The following SHPRH variants were observed in gnomAD, a reference collection of about 807,000 sequenced individuals.
SHPRH encodes SNF2 histone linker PHD RING helicase, also known as E3 ubiquitin-protein ligase SHPRH.
A neutral mutation model predicts 202.5 loss-of-function variants in SHPRH; 106 were observed. The observed-to-expected ratio is 0.52, with a 90% CI of 0.45 to 0.62. The LOEUF is 0.62. SHPRH is among the 20% of genes least tolerant of loss of function. SHPRH has a pLI of 0.00. For synonymous variants in SHPRH, 729 were observed against 686.0 expected, an observed-to-expected ratio of 1.06 and a Z score of -0.98; for missense variants, 1,710 against 2,020.0, an observed-to-expected ratio of 0.85 and a Z score of 2.94.
At chr6:145,927,539 TA>T (rs1784990079) in intron 14 of SHPRH, among the ~76,000 whole-genome samples, 1 of 151,804 alleles carries the variant, frequency 6.6e-6, no homozygotes, top group South Asian at 2.1e-4. Context: ...AATATGTTTA[TA>T]ATCAAACGTT....
At chr6:145,924,939 A>T (rs1459210849) in intron 16 of SHPRH, 93 bp from the exon 17 acceptor site, 1 of 933,584 alleles carries the variant, frequency 1.1e-6, no homozygotes, top group Non-Finnish European at 1.6e-6. Flanking sequence ...TTATACATTT[A>T]AAGCTACTTA....
intron 11 of SHPRH, among the ~76,000 whole-genome samples, chr6:145,939,766 T>C (rs1372266883): frequency 6.6e-6 from 1 of 152,166 alleles, no homozygotes; most frequent in East Asian, 1.9e-4. Context: ...TTTAAATATA[T>C]ACTAGAAAAT....
chr6:145,896,869 T>C (rs759986285), intron 25 of SHPRH, among the ~76,000 whole-genome samples: 19 of 151,884 alleles, frequency 1.3e-4, no homozygotes, highest in African/African-American at 4.6e-4. Flanking sequence ...AAATACAACA[T>C]AACAAAAGGT....
In SHPRH at chr6:145,886,536, G is replaced by A; in HGVS notation, c.*155C>T. On this transcript the variant is annotated 3_prime_UTR_variant, in exon 30 of 30. Coordinates refer to ENST00000275233, the MANE Select transcript of SHPRH (RefSeq NM_001042683.3). ...CAGTATATTGAAAAGGACTCAATAA[G>A]TACTAAGCCACTGTATAACCAGAAC... 12 of 1,346,752 alleles carry A rather than the reference G, an allele frequency of 8.9e-6. No individual in the cohort carries two copies. Among genetic ancestry groups the A allele is most frequent in the Non-Finnish European group, 1.2e-5 (12 of 978,888 alleles). The allele number at this position is 1,346,752 out of a possible 1,614,324, so 83.4% of individuals were successfully genotyped here. A position where few individuals can be genotyped will look rare whatever the true frequency, so the allele number is the denominator to read the frequency against.
chr6:145,946,392 T>C (rs763472716), intron 6 of SHPRH, 51 bp from the exon 7 acceptor site: 8 of 1,382,810 alleles, frequency 5.8e-6, no homozygotes, highest in Non-Finnish European at 7.9e-6. Flanking sequence ...TTCAGTATTC[T>C]GAATTGCTTA....
At chr6:145,938,635 G>A (rs1032927032) in intron 11 of SHPRH, among the ~76,000 whole-genome samples, 1 of 152,178 alleles carries the variant, frequency 6.6e-6, no homozygotes, top group Non-Finnish European at 1.5e-5. Context: ...TTTAATATTT[G>A]TTAGGTACTG....
chr6:145,941,594 C>A (rs1360706636), intron 10 of SHPRH, 29 bp downstream of exon 10: 2 of 1,609,986 alleles, frequency 1.2e-6, no homozygotes, highest in African/African-American at 2.7e-5. Context: ...TCTTCCCCAG[C>A]CCTCAAAAGA....
intron 14 of SHPRH, among the ~76,000 whole-genome samples, chr6:145,931,829 A>C (rs1444808486): frequency 3.0e-4 from 46 of 151,830 alleles, no homozygotes; most frequent in Non-Finnish European, 1.5e-5. Flanking sequence ...CCCCACACAG[A>C]CTTTGTATCA....
chr6:145,870,672 A>T (rs1397648983), intron 2 of SHPRH, among the ~76,000 whole-genome samples: 1 of 152,156 alleles, frequency 6.6e-6, no homozygotes, highest in Non-Finnish European at 1.5e-5. Context: ...ATTAGCTAGG[A>T]CTTCAAGAAC....
At chr6:145,867,629 T>TAGAGAG (rs1269534768) in intron 2 of SHPRH, among the ~76,000 whole-genome samples, 199 of 43,878 alleles carry the variant, frequency 4.5e-3, no homozygotes, top group Non-Finnish European at 5.8e-3. Flanking sequence ...TATATATATA[T>TAGAGAG]ATAGAGAGAG....
downstream of SHPRH, among the ~76,000 whole-genome samples, chr6:145,880,669 T>C (rs1296878305): frequency 1.3e-5 from 2 of 151,514 alleles, no homozygotes; most frequent in Non-Finnish European, 2.9e-5. Context: ...GAAAAAAACT[T>C]TTCAGGAAGG....
Position 145,943,349 on chromosome 6 carries a change from G to A in SHPRH, c.2032C>T (p.Leu678=). Reference sequence around the variant, plus strand: ...GCATGTTGCCACAGGTGACACTTCAGGCATTGAACACGAGGCTTACGATCT... The same window carrying A: ...GCATGTTGCCACAGGTGACACTTCAAGCATTGAACACGAGGCTTACGATCT... The part of the protein sequence containing the change: ...QIDRKPRVQC[L]KCHLWQHAKC... The change falls in exon 9 of 30, where the codon CTG becomes TTG. Residue 678 remains leucine, a synonymous_variant. Transcript: ENST00000275233. The A allele has an allele frequency of 4.3e-6, 7 of 1,613,892 alleles. No homozygotes were observed. The highest frequency in any genetic ancestry group is 1.7e-4 in the Middle Eastern group (1 of 6,060).
In SHPRH at chr6:145,935,180, A is replaced by T; in HGVS notation, c.2734-17T>A. ...TATTTGGATCTGTGAAAAGGAGCAG[A>T]AAAAAAAAAAAAGATATCATCTAAA... On this transcript the variant is annotated splice_polypyrimidine_tract_variant and intron_variant, in intron 12 of 29. Transcript: ENST00000275233. The T allele has an allele frequency of 2.1e-6, 1 of 484,146 alleles. No homozygotes were observed. Among genetic ancestry groups the T allele is most frequent in the Non-Finnish European group, 3.2e-6 (1 of 309,884 alleles). The allele number at this position is 484,146 out of a possible 1,614,324, so 30.0% of individuals were successfully genotyped here.
At chr6:145,886,923 G>T in intron 29 of SHPRH, 136 bp from the exon 30 acceptor site, 1 of 814,036 alleles carries the variant, frequency 1.2e-6, no homozygotes, top group Non-Finnish European at 1.8e-6. Context: ...CCAGAGGAAA[G>T]CAAGTGATAA....
At chr6:145,876,440 A>T (rs1780308083) in intron 2 of SHPRH, among the ~76,000 whole-genome samples, 2 of 152,186 alleles carry the variant, frequency 1.3e-5, no homozygotes, top group African/African-American at 4.8e-5. Flanking sequence ...GTATTTTGGG[A>T]CTGCTTTTTT....
intron 14 of SHPRH, among the ~76,000 whole-genome samples, chr6:145,928,553 C>T (rs1052350200): frequency 4.6e-5 from 7 of 151,546 alleles, no homozygotes; most frequent in African/African-American, 1.7e-4. Context: ...TATATGCAAA[C>T]CTTTGTAAAT....
intron 2 of SHPRH, among the ~76,000 whole-genome samples, chr6:145,953,826 T>G (rs542497465): frequency 2.0e-5 from 3 of 151,972 alleles, no homozygotes; most frequent in African/African-American, 7.2e-5. Flanking sequence ...ATGATTCACA[T>G]AAAGTTATTT....
At chr6:145,945,741 TAAATC>T (rs1434402069) in intron 7 of SHPRH, 104 bp from the exon 8 acceptor site, 3 of 1,247,470 alleles carry the variant, frequency 2.4e-6, no homozygotes, top group South Asian at 1.9e-5. Flanking sequence ...AAGAAAGAAA[TAAATC>T]AAAGATTTAT....
chr6:145,923,121 G>A (rs1205632853), intron 18 of SHPRH, among the ~76,000 whole-genome samples: 2 of 151,740 alleles, frequency 1.3e-5, no homozygotes, highest in South Asian at 2.1e-4. Flanking sequence ...GAAAGTGTAC[G>A]ACTGCCACAT....
Sources: allele counts gnomAD v4.1 joint callset (sites outside exome capture counted in the v4.1 genomes callset), GRCh38; gene constraint gnomAD v4.1.1; transcripts MANE v1.5; gene names NCBI Gene and HGNC (gene_info 2026-07-23, HGNC 2026-07-21).